Variants in UGT2B17 observed in about 807,000 individuals in gnomAD.
UGT2B17 encodes the protein UDP glucuronosyltransferase family 2 member B17, also known as UDP-glucuronosyltransferase 2B17.
UGT2B17 carries 21 observed loss-of-function variants against 48.2 expected under a neutral mutation model. That is an observed-to-expected ratio of 0.44 (90% CI 0.31 to 0.63). The LOEUF is 0.63. Among genes scored for constraint, UGT2B17 ranks in the 20% least tolerant of loss-of-function variants. The probability of loss-of-function intolerance (pLI) is 0.08; values close to 1 mark genes in which losing one functional copy is unlikely to be tolerated. For synonymous variants in UGT2B17, 146 were observed against 238.4 expected (o/e 0.61, Z 3.57); for missense variants, 402 against 696.1 (o/e 0.58, Z 4.75).
chr4:68,540,671 T>C lies in UGT2B17; in HGVS notation c.1314-2767A>G, dbSNP rs1469571059. Among the ~76,000 whole-genome samples the C allele has an allele frequency of 1.7e-4, 21 of 126,418 alleles. 5 individuals are homozygous for C. The highest frequency in any genetic ancestry group is 1.7e-5 in the Non-Finnish European group (1 of 59,596). The allele number at this position is 126,418 out of a possible 152,430, so 82.9% of individuals were successfully genotyped here. A position where few individuals can be genotyped will look rare whatever the true frequency, so the allele number is the denominator to read the frequency against. On this transcript the variant is annotated intron_variant, in intron 6 of 6. Transcript: ENST00000317746. ...GTTTTATTTTAAGTTCCAGGATACA[T>C]ACGCAGAATGTGTGGGTTTGTTACA... is the stretch of plus-strand genomic sequence containing the variant.
chr4:68,541,792 T>G (rs1156798435), intron 6 of UGT2B17, among the ~76,000 whole-genome samples: 1 of 127,194 alleles, frequency 7.9e-6, no homozygotes, highest in African/African-American at 2.7e-5. Flanking sequence ...TACATTTAAG[T>G]CTTTAATCCA....
In UGT2B17 at chr4:68,565,811, T is replaced by A. The variant is rs1160426951; in HGVS notation, c.725-91A>T. The stretch of plus-strand genomic sequence containing the variant: ...TATGCAGGTATTTTCCTGAAAGGAC[T>A]TGGAATAACATACCTAAAAATATAT... On this transcript the variant is annotated intron_variant, in intron 2 of 6. Coordinates refer to ENST00000317746, the MANE Select transcript of UGT2B17 (RefSeq NM_001077.4). The A allele has an allele frequency of 1.6e-5, 18 of 1,148,970 alleles. 2 individuals carry two copies. Among genetic ancestry groups the A allele is most frequent in the Non-Finnish European group, 2.0e-5 (18 of 906,518 alleles). The allele number at this position is 1,148,970 out of a possible 1,614,324, so 71.2% of individuals were successfully genotyped here.
At position 68,557,220 on chromosome 4, in the gene UGT2B17, G is replaced by A. The variant is rs1308271049; in HGVS notation, c.1005+3317C>T. On this transcript the variant is annotated intron_variant, in intron 4 of 6. Transcript: ENST00000317746. ...GGTAACAAATTTCCTTGTCCATTGT[G>A]TCTTTGACTGAGGCTGCCCTAAAAC... is the stretch of plus-strand genomic sequence containing the variant. 8.8e-5 allele frequency among the ~76,000 whole-genome samples: 11 copies of A among 124,992 alleles called. 3 individuals are homozygous for A. The Admixed American group carries it at 9.1e-4, about 10-fold the overall frequency. 82.0% of individuals were successfully genotyped at this position (124,992 alleles called of 152,430 possible). A position where few individuals can be genotyped will look rare whatever the true frequency, so the allele number is the denominator to read the frequency against.
Position 68,544,574 on chromosome 4 carries a change from G to A in UGT2B17, c.1313+6103C>T, listed in dbSNP as rs1247035954. On this transcript the variant is annotated intron_variant, in intron 6 of 6. Coordinates refer to ENST00000317746, the MANE Select transcript of UGT2B17 (RefSeq NM_001077.4). ...CAATCAGCTAACATCATAATGACAG[G>A]ATCAAATTTACACATAACAATATTA... Among the ~76,000 whole-genome samples the A allele has an allele frequency of 1.2e-4, 15 of 125,120 alleles. 5 individuals are homozygous for A. The highest frequency in any genetic ancestry group is 7.4e-4 in the Admixed American group (9 of 12,170). The allele number at this position is 125,120 out of a possible 152,430, so 82.1% of individuals were successfully genotyped here.
rs1375569290 is a variant in UGT2B17, at chr4:68,549,316, T to C, written c.1313+1361A>G. Among the ~76,000 whole-genome samples the C allele has an allele frequency of 8.5e-5, 9 of 106,406 alleles. 2 individuals are homozygous for C. Among genetic ancestry groups the C allele is most frequent in the Admixed American group, 2.1e-4 (2 of 9,654 alleles). 69.8% of individuals were successfully genotyped at this position (106,406 alleles called of 152,430 possible). On this transcript the variant is annotated intron_variant, in intron 6 of 6. Coordinates refer to ENST00000317746, the MANE Select transcript of UGT2B17 (RefSeq NM_001077.4). ...TATTTATTTTATCAATATTAAAACC[T>C]TCATGTTTCAAAAGGCATCCTCCAA... is the stretch of plus-strand genomic sequence containing the variant.
At chr4:68,558,357 TC>T (rs922481077) in intron 4 of UGT2B17, among the ~76,000 whole-genome samples, 2 of 125,662 alleles carry the variant, frequency 1.6e-5, no homozygotes, top group Non-Finnish European at 3.4e-5. Flanking sequence ...TTTTTTTTCC[TC>T]CCCTTCCACA....
At position 68,543,303 on chromosome 4, in the gene UGT2B17, G is replaced by A. The variant is rs1359525168; in HGVS notation, c.1314-5399C>T. Reference sequence around the variant, plus strand: ...TAATATCCACTGTTCTGCAGTGTCCGCTGCTGATACCCAGGCAAACAGGAT... The same window carrying A: ...TAATATCCACTGTTCTGCAGTGTCCACTGCTGATACCCAGGCAAACAGGAT... On this transcript the variant is annotated intron_variant, in intron 6 of 6. Coordinates refer to ENST00000317746, the MANE Select transcript of UGT2B17 (RefSeq NM_001077.4). Among the ~76,000 whole-genome samples, 2 of 125,648 alleles carry A rather than the reference G, an allele frequency of 1.6e-5. 1 individual carries two copies. Among genetic ancestry groups the A allele is most frequent in the Non-Finnish European group, 3.4e-5 (2 of 59,464 alleles). The allele number at this position is 125,648 out of a possible 152,430, so 82.4% of individuals were successfully genotyped here.
chr4:68,551,941 A>T (rs769996925), intron 4 of UGT2B17, 30 bp from the exon 5 acceptor site: 1 of 1,224,524 alleles, frequency 8.2e-7, no homozygotes, highest in African/African-American at 1.5e-5. Flanking sequence ...ATCTTGTTCA[A>T]TGAATAGAAC....
chr4:68,575,942 T>C lies in UGT2B17; in HGVS notation c.-65+9A>G, dbSNP rs1253173134. Among the ~76,000 whole-genome samples the C allele has an allele frequency of 7.9e-6, 1 of 126,448 alleles. No homozygotes were observed. The highest frequency in any genetic ancestry group is 1.7e-5 in the Non-Finnish European group (1 of 59,558). The allele number at this position is 126,448 out of a possible 152,430, so 83.0% of individuals were successfully genotyped here. A position where few individuals can be genotyped will look rare whatever the true frequency, so the allele number is the denominator to read the frequency against. Reference sequence around the variant, plus strand: ...GTGGAGTGGGACAAGTTCAAAAGACTAGTCTTACCAAGTTCCAGATGTCCA... The same window carrying C: ...GTGGAGTGGGACAAGTTCAAAAGACCAGTCTTACCAAGTTCCAGATGTCCA... On this transcript the variant is annotated intron_variant, in intron 1 of 6. Coordinates refer to ENST00000317746, the MANE Select transcript of UGT2B17 (RefSeq NM_001077.4).
At chr4:68,539,914 G>A (rs1238137551) in intron 6 of UGT2B17, among the ~76,000 whole-genome samples, 1 of 118,046 alleles carries the variant, frequency 8.5e-6, no homozygotes, top group Non-Finnish European at 1.7e-5. Context: ...CCTCCCAAGT[G>A]TCTGGGACTA....
chr4:68,565,836 TAA>T (rs2109776007), intron 2 of UGT2B17, 116 bp from the exon 3 acceptor site: 2 of 851,728 alleles, frequency 2.3e-6, no homozygotes, highest in African/African-American at 3.7e-5. Context: ...TAAAAATATA[TAA>T]AATGTCTGCA....
Position 68,551,731 on chromosome 4 carries a change from A to G in UGT2B17, c.1093+93T>C. On this transcript the variant is annotated intron_variant, in intron 5 of 6. Transcript: ENST00000317746. Reference sequence around the variant, plus strand: ...TTGATTTTTTTTTAGTTTTCCAATAATAAATGTTAAATATGTTTGTTTTAT... The same window carrying G: ...TTGATTTTTTTTTAGTTTTCCAATAGTAAATGTTAAATATGTTTGTTTTAT... 7.7e-6 allele frequency: 7 copies of G among 906,310 alleles called. 2 individuals carry two copies. Among genetic ancestry groups the G allele is most frequent in the Non-Finnish European group, 1.0e-5 (7 of 677,962 alleles). 56.1% of individuals were successfully genotyped at this position (906,310 alleles called of 1,614,324 possible).
intron 3 of UGT2B17, 139 bp downstream of exon 3, chr4:68,565,433 T>C (rs1731179875): frequency 2.6e-6 from 2 of 765,566 alleles, no homozygotes; most frequent in South Asian, 7.3e-5. Flanking sequence ...AGTATAGAAA[T>C]ATATGATTTT....
At chr4:68,553,705 T>C (rs1194190811) in intron 4 of UGT2B17, among the ~76,000 whole-genome samples, 1 of 125,170 alleles carries the variant, frequency 8.0e-6, no homozygotes, top group African/African-American at 2.7e-5. Flanking sequence ...CTGTTGTTAT[T>C]TTTTTCCTCC....
rs1352223363 is a variant in UGT2B17 at position 68,571,024 on chromosome 4, C to T, written c.-64-2476G>A. ...TATTTTGATAGATTGCATTTCTCATCTGAGTCTCTTGCCGGGCAAGAACGG... is the reference window on the plus strand; with the variant it reads ...TATTTTGATAGATTGCATTTCTCATTTGAGTCTCTTGCCGGGCAAGAACGG... On this transcript the variant is annotated intron_variant, in intron 1 of 6. Coordinates refer to ENST00000317746, the MANE Select transcript of UGT2B17 (RefSeq NM_001077.4). Among the ~76,000 whole-genome samples, 9 of 126,098 alleles carry T rather than the reference C, an allele frequency of 7.1e-5. 3 individuals carry two copies. The highest frequency in any genetic ancestry group is 2.4e-4 in the African/African-American group (9 of 36,776). 82.7% of individuals were successfully genotyped at this position (126,098 alleles called of 152,430 possible).
At position 68,543,825 on chromosome 4, in the gene UGT2B17, G is replaced by A. The variant is rs1440784191; in HGVS notation, c.1314-5921C>T. 8.0e-5 allele frequency among the ~76,000 whole-genome samples: 10 copies of A among 125,282 alleles called. 2 individuals carry two copies. Among genetic ancestry groups the A allele is most frequent in the Admixed American group, 1.7e-4 (2 of 12,028 alleles). The allele number at this position is 125,282 out of a possible 152,430, so 82.2% of individuals were successfully genotyped here. On this transcript the variant is annotated intron_variant, in intron 6 of 6. Coordinates refer to ENST00000317746, the MANE Select transcript of UGT2B17 (RefSeq NM_001077.4). ...GCTGATTTGATCAACTGGAAGAAAC[G>A]GTATCAGTGATGGAAGATGAAATGA...
At chr4:68,543,250 C>A (rs1160276441) in intron 6 of UGT2B17, among the ~76,000 whole-genome samples, 2 of 125,256 alleles carry the variant, frequency 1.6e-5, no homozygotes, top group African/African-American at 5.5e-5. Context: ...TCCAGAGGAA[C>A]AATCAGACAG....
Position 68,555,273 on chromosome 4 carries a change from G to A in UGT2B17, c.1006-3362C>T, listed in dbSNP as rs1730980993. 1.6e-5 allele frequency among the ~76,000 whole-genome samples: 2 copies of A among 125,590 alleles called. 1 individual carries two copies. The allele number at this position is 125,590 out of a possible 152,430, so 82.4% of individuals were successfully genotyped here. Reference sequence around the variant, plus strand: ...AAAACTGTAAACCAAGCCCAAAACAGAATGATCTTCACTTGTGTAATTTTT... The same window carrying A: ...AAAACTGTAAACCAAGCCCAAAACAAAATGATCTTCACTTGTGTAATTTTT... On this transcript the variant is annotated intron_variant, in intron 4 of 6. Transcript: ENST00000317746.
rs1731103041 is a variant in UGT2B17, at chr4:68,561,530, T to C, written c.874-862A>G. 1.6e-5 allele frequency among the ~76,000 whole-genome samples: 2 copies of C among 124,290 alleles called. 1 individual carries two copies. Among genetic ancestry groups the C allele is most frequent in the Admixed American group, 1.7e-4 (2 of 12,018 alleles). 81.5% of individuals were successfully genotyped at this position (124,290 alleles called of 152,430 possible). On this transcript the variant is annotated intron_variant, in intron 3 of 6. Transcript: ENST00000317746. ...TTGATGTGCTATTTATAACTTACCA[T>C]GAGGGACCCTCATCCTCACTTTGCT...
Sources: gnomAD v4.1 joint callset for allele counts (sites outside exome capture counted in the v4.1 genomes callset) on GRCh38, gnomAD v4.1.1 for gene constraint, MANE v1.5 for transcripts, NCBI Gene and HGNC (gene_info 2026-07-23, HGNC 2026-07-21) for gene names.